The following NLRP12 variants were observed in gnomAD, a reference collection of about 807,000 sequenced individuals.
The protein encoded by NLRP12 is NACHT, LRR and PYD domains-containing protein 12.
A neutral mutation model predicts 91.2 loss-of-function variants in NLRP12; 108 were observed. That is an observed-to-expected ratio of 1.18 (90% confidence interval 1.01 to 1.39). The LOEUF (loss-of-function observed/expected upper bound fraction) is 1.39. NLRP12 is among the 40% of genes most tolerant of loss of function. The pLI, the probability that NLRP12 is intolerant of heterozygous loss-of-function variation, is 0.00. For missense variants in NLRP12, 1,530 were observed against 1,352.7 expected, an observed-to-expected ratio of 1.13 and a Z score of -2.06; for synonymous variants, 613 against 566.7, an observed-to-expected ratio of 1.08 and a Z score of -1.16.
chr19:53,821,031 C>CTTTTTTTTTTTTT (rs1158419664), intron 1 of NLRP12, among the ~76,000 whole-genome samples: 2 of 81,284 alleles, frequency 2.5e-5, no homozygotes, highest in African/African-American at 5.8e-5. Context: ...CATATTTTTT[C>CTTTTTTTTTTTTT]TTTTTTTTTT....
At chr19:53,817,464 G>C (rs1026703004) in intron 1 of NLRP12, among the ~76,000 whole-genome samples, 1 of 151,544 alleles carries the variant, frequency 6.6e-6, no homozygotes, top group Non-Finnish European at 1.5e-5. Context: ...GGCTGGGCGC[G>C]GTGGCTCATG....
At chr19:53,814,085 C>G (rs78982624) in intron 2 of NLRP12, among the ~76,000 whole-genome samples, 1,954 of 152,208 alleles carry the variant, frequency 0.013, 50 homozygotes, top group African/African-American at 0.044. Context: ...TTGCTGTCTA[C>G]CCAGCAGACT....
Position 53,810,013 on chromosome 19 carries a change from GC to G in NLRP12, c.1645del (p.Ala549ArgfsTer19). 1 of 1,614,056 alleles carries G rather than the reference GC, an allele frequency of 6.2e-7. No individual in the cohort carries two copies. Among genetic ancestry groups the G allele is most frequent in the South Asian group, 1.1e-5 (1 of 91,078 alleles). ...QDVTRLLTEY[A>X]FSERSFLALT... ...TGCCAGGAAGCTCCTTTCAGAAAAC[GC>G]GTACTCGGTCAACAGCCTGGTCACG... On this transcript the variant is annotated frameshift_variant, in exon 3 of 10. Coordinates refer to ENST00000324134, the MANE Select transcript of NLRP12 (RefSeq NM_144687.4). LOFTEE classifies it high-confidence loss of function.
At chr19:53,797,574 A>G (rs1025287720) in intron 8 of NLRP12, among the ~76,000 whole-genome samples, 2 of 150,092 alleles carry the variant, frequency 1.3e-5, no homozygotes, top group Non-Finnish European at 3.0e-5. Context: ...ATGCGCCACC[A>G]CACTGGGTTA....
intron 1 of NLRP12, among the ~76,000 whole-genome samples, chr19:53,823,198 ATATG>A (rs1402676664): frequency 6.9e-6 from 1 of 144,756 alleles, no homozygotes. Context: ...GATTTTATAT[ATATG>A]TATTTTAAAT....
chr19:53,800,991 G>A (rs955162740), intron 7 of NLRP12, among the ~76,000 whole-genome samples: 3 of 151,520 alleles, frequency 2.0e-5, no homozygotes, highest in African/African-American at 2.4e-5. Context: ...TCAGTAGATC[G>A]AGACCATCCT....
chr19:53,809,538 A>AAC, intron 3 of NLRP12, 49 bp downstream of exon 3: 1 of 1,456,886 alleles, frequency 6.9e-7, no homozygotes, highest in Non-Finnish European at 9.2e-7. Flanking sequence ...AAAAAAAAAA[A>AAC]AAACACACGA....
intron 8 of NLRP12, among the ~76,000 whole-genome samples, chr19:53,796,345 G>A (rs554305988): frequency 8.1e-4 from 123 of 151,636 alleles, no homozygotes; most frequent in Non-Finnish European, 1.3e-3. Flanking sequence ...TCTGCCTCCC[G>A]GGTTCAAGTG....
intron 2 of NLRP12, among the ~76,000 whole-genome samples, chr19:53,812,008 G>A (rs2092084530): frequency 6.6e-6 from 1 of 152,040 alleles, no homozygotes; most frequent in South Asian, 2.1e-4. Flanking sequence ...AGGTCCAGGT[G>A]GGAGGATCGC....
intron 7 of NLRP12, 69 bp from the exon 8 acceptor site, chr19:53,798,482 T>G: frequency 6.7e-7 from 1 of 1,494,868 alleles, no homozygotes; most frequent in Non-Finnish European, 9.2e-7. Flanking sequence ...GAGGGCCCTG[T>G]GCCAAGCCCT....
chr19:53,819,423 A>G (rs2092213914), intron 1 of NLRP12, among the ~76,000 whole-genome samples: 3 of 15,760 alleles, frequency 1.9e-4, no homozygotes, highest in Non-Finnish European at 4.0e-4. Flanking sequence ...ATATATATAT[A>G]TATATATATA....
At chr19:53,809,548 AACCTAAG>A in intron 3 of NLRP12, 32 bp downstream of exon 3, 1 of 1,491,036 alleles carries the variant, frequency 6.7e-7, no homozygotes, top group South Asian at 1.2e-5. Flanking sequence ...AAAACACACG[AACCTAAG>A]CAGCCCCAGG....
intron 9 of NLRP12, among the ~76,000 whole-genome samples, chr19:53,795,107 CGT>C (rs56027837): frequency 0.11 from 9,627 of 85,148 alleles, 326 homozygotes; most frequent in East Asian, 0.2. Context: ...CTGGTGTGTG[CGT>C]GTGTGTGTGT....
intron 1 of NLRP12, among the ~76,000 whole-genome samples, chr19:53,821,671 A>G (rs2092266682): frequency 6.6e-6 from 1 of 152,064 alleles, no homozygotes; most frequent in Non-Finnish European, 1.5e-5. Flanking sequence ...CTGTTTCAAC[A>G]ACAACAACAA....
intron 6 of NLRP12, among the ~76,000 whole-genome samples, chr19:53,801,974 T>C (rs1279696046): frequency 6.6e-6 from 1 of 152,030 alleles, no homozygotes; most frequent in Non-Finnish European, 1.5e-5. Flanking sequence ...ATGCCTGTAA[T>C]CTCAGCACTT....
intron 2 of NLRP12, 114 bp downstream of exon 2, chr19:53,814,794 G>A: frequency 3.6e-6 from 3 of 841,452 alleles, no homozygotes; most frequent in Admixed American, 3.5e-5. Context: ...CTTTGATGGT[G>A]TCATTAATCC....
Position 53,810,825 on chromosome 19 carries a change from A to T in NLRP12, c.834T>A (p.Pro278=). 6.2e-7 allele frequency: 1 copy of T among 1,614,066 alleles called. No homozygotes were observed. Among genetic ancestry groups the T allele is most frequent in the Non-Finnish European group, 8.5e-7 (1 of 1,180,028 alleles). Residue 278 remains proline, a synonymous_variant, in exon 3 of 10, where the codon CCT becomes CCA. Transcript: ENST00000324134. ...IFSCWPEPSA[P]LQELIRVPER... is the part of the protein sequence containing the mutation. ...CGGGAACTCGGATGAGCTCCTGGAG[A>T]GGCGCGCTGGGCTCAGGCCAGCAGC...
At chr19:53,821,625 G>C (rs193045340) in intron 1 of NLRP12, among the ~76,000 whole-genome samples, 1 of 152,016 alleles carries the variant, frequency 6.6e-6, no homozygotes, top group East Asian at 2.0e-4. Context: ...CTGAGATTGC[G>C]CCACTGCACT....
chr19:53,818,243 C>T (rs1308449636), intron 1 of NLRP12, among the ~76,000 whole-genome samples: 1 of 151,928 alleles, frequency 6.6e-6, no homozygotes. Flanking sequence ...ACCACTGTGC[C>T]TGGTCAATTT....
Sources: allele counts gnomAD v4.1 joint callset (sites outside exome capture counted in the v4.1 genomes callset), GRCh38; gene constraint gnomAD v4.1.1; transcripts MANE v1.5; gene names NCBI Gene and HGNC (gene_info 2026-07-23, HGNC 2026-07-21).